The following CCSER1 variants were observed in gnomAD, a reference collection of about 807,000 sequenced individuals.
The protein encoded by CCSER1 is coiled-coil serine rich protein 1, also known as serine-rich coiled-coil domain-containing protein 1.
In CCSER1, 41 loss-of-function variants were observed where a neutral mutation model predicts 82.0. The observed-to-expected ratio is 0.50, with a 90% CI of 0.39 to 0.65. The LOEUF (loss-of-function observed/expected upper bound fraction) is 0.65. Among genes scored for constraint, CCSER1 ranks in the 30% least tolerant of loss-of-function variants. The pLI, the probability that CCSER1 is intolerant of heterozygous loss-of-function variation, is 0.00. For missense variants in CCSER1, 1,119 were observed against 1,064.2 expected (o/e 1.05, Z -0.72); for synonymous variants, 414 against 383.9 (o/e 1.08, Z -0.92).
intron 10 of CCSER1, among the ~76,000 whole-genome samples, chr4:91,394,021 G>A (rs1177822650): frequency 3.3e-5 from 5 of 152,160 alleles, no homozygotes; most frequent in East Asian, 1.9e-4. Context: ...ACTTATGATC[G>A]GTGATACTTG....
chr4:90,907,295 G>A (rs1394634139), intron 8 of CCSER1, among the ~76,000 whole-genome samples: 2 of 152,206 alleles, frequency 1.3e-5, no homozygotes, highest in East Asian at 1.9e-4. Flanking sequence ...ATTCCCTAAT[G>A]CAAATATGGG....
chr4:91,016,751 A>T lies in CCSER1; in HGVS notation c.2173-69199A>T, dbSNP rs773811499. Reference sequence around the variant, plus strand: ...TGTTCTTTATATGCAGATATAAATTACATGTCCCTAACTTCAGCCACTTCC... The same window carrying T: ...TGTTCTTTATATGCAGATATAAATTTCATGTCCCTAACTTCAGCCACTTCC... On this transcript the variant is annotated intron_variant, in intron 9 of 10. Coordinates refer to ENST00000509176, the MANE Select transcript of CCSER1 (RefSeq NM_001145065.2). Among the ~76,000 whole-genome samples the T allele has an allele frequency of 7.0e-4, 106 of 152,270 alleles. No individual in the cohort carries two copies. In the Middle Eastern group the frequency reaches 0.01, roughly 15 times the overall value.
chr4:91,460,565 G>A (rs573339893), intron 10 of CCSER1, among the ~76,000 whole-genome samples: 1 of 152,218 alleles, frequency 6.6e-6, no homozygotes, highest in African/African-American at 2.4e-5. Flanking sequence ...GGTGATGATG[G>A]TGATGATGAT....
chr4:91,302,418 T>C (rs1465328054), intron 10 of CCSER1, among the ~76,000 whole-genome samples: 1 of 152,032 alleles, frequency 6.6e-6, no homozygotes, highest in Non-Finnish European at 1.5e-5. Flanking sequence ...TTCTACTGCA[T>C]CTACTTTCAT....
chr4:90,602,669 C>T (rs1784164989), intron 5 of CCSER1, among the ~76,000 whole-genome samples: 1 of 152,120 alleles, frequency 6.6e-6, no homozygotes, highest in African/African-American at 2.4e-5. Flanking sequence ...CAGTTTATTA[C>T]CCATGACAAA....
At chr4:91,491,054 C>G (rs1451356127) in intron 10 of CCSER1, among the ~76,000 whole-genome samples, 1 of 149,838 alleles carries the variant, frequency 6.7e-6, no homozygotes, top group African/African-American at 2.5e-5. Flanking sequence ...CACGTGAACC[C>G]TCTGAAGCAA....
chr4:91,351,660 T>A (rs529660527), intron 10 of CCSER1, among the ~76,000 whole-genome samples: 3 of 152,228 alleles, frequency 2.0e-5, no homozygotes, highest in African/African-American at 7.2e-5. Flanking sequence ...ATTTTAGATA[T>A]GTTCTTATTT....
chr4:90,506,238 A>AT (rs542834662), intron 5 of CCSER1, among the ~76,000 whole-genome samples: 3 of 152,058 alleles, frequency 2.0e-5, no homozygotes, highest in South Asian at 2.1e-4. Flanking sequence ...GATTATTAAA[A>AT]TTTTTTTTCA....
At chr4:91,080,948 A>G (rs1216819005) in intron 9 of CCSER1, among the ~76,000 whole-genome samples, 1 of 152,230 alleles carries the variant, frequency 6.6e-6, no homozygotes, top group Non-Finnish European at 1.5e-5. Context: ...CCAGGACCAG[A>G]CGGATTCACA....
At chr4:90,850,420 C>G (rs1580771817) in intron 8 of CCSER1, among the ~76,000 whole-genome samples, 1 of 152,340 alleles carries the variant, frequency 6.6e-6, no homozygotes, top group South Asian at 2.1e-4. Flanking sequence ...AACACTCAAC[C>G]CCAGCTGTGA....
intron 9 of CCSER1, among the ~76,000 whole-genome samples, chr4:90,931,090 A>T (rs1215435077): frequency 6.7e-6 from 1 of 150,166 alleles, no homozygotes; most frequent in African/African-American, 2.4e-5. Context: ...CTTGAAATAG[A>T]TGTATCTCCT....
chr4:90,809,883 C>T (rs1561176060), intron 7 of CCSER1, among the ~76,000 whole-genome samples: 2 of 140,278 alleles, frequency 1.4e-5, no homozygotes, highest in Non-Finnish European at 1.5e-5. Flanking sequence ...CAGAGTGATA[C>T]CCTGTCTCTA....
intron 4 of CCSER1, among the ~76,000 whole-genome samples, chr4:90,442,102 A>G (rs1177158315): frequency 1.3e-5 from 2 of 152,204 alleles, no homozygotes; most frequent in Non-Finnish European, 2.9e-5. Context: ...TTTAGTAACA[A>G]GGCAGATTTC....
At chr4:90,507,392 A>T (rs752509520) in intron 5 of CCSER1, among the ~76,000 whole-genome samples, 1 of 151,884 alleles carries the variant, frequency 6.6e-6, no homozygotes, top group Admixed American at 6.6e-5. Flanking sequence ...TCTAAACATT[A>T]TTTGAAAAAA....
At chr4:91,302,415 G>C (rs141625051) in intron 10 of CCSER1, among the ~76,000 whole-genome samples, 6 of 151,962 alleles carry the variant, frequency 3.9e-5, no homozygotes, top group Middle Eastern at 3.4e-3. Flanking sequence ...TATTTCTACT[G>C]CATCTACTTT....
intron 5 of CCSER1, among the ~76,000 whole-genome samples, chr4:90,608,959 T>C (rs1371465904): frequency 6.6e-6 from 1 of 152,118 alleles, no homozygotes; most frequent in East Asian, 1.9e-4. Context: ...TGATTTTTTC[T>C]CTATGGGATT....
At chr4:91,461,135 A>G (rs1182989546) in intron 10 of CCSER1, among the ~76,000 whole-genome samples, 4 of 152,176 alleles carry the variant, frequency 2.6e-5, no homozygotes, top group African/African-American at 9.7e-5. Flanking sequence ...ATAGCCCAGG[A>G]TCTCAAGTTT....
chr4:91,347,444 G>A (rs1161941399), intron 10 of CCSER1, among the ~76,000 whole-genome samples: 3 of 151,502 alleles, frequency 2.0e-5, no homozygotes, highest in African/African-American at 7.3e-5. Context: ...AATATTATGA[G>A]TCTTTTGCTT....
At chr4:91,121,880 A>T (rs1434945497) in intron 10 of CCSER1, among the ~76,000 whole-genome samples, 1 of 151,664 alleles carries the variant, frequency 6.6e-6, no homozygotes, top group Non-Finnish European at 1.5e-5. Flanking sequence ...ATAGAAATAT[A>T]GATAAATATT....
Sources: allele counts gnomAD v4.1 joint callset (sites outside exome capture counted in the v4.1 genomes callset), GRCh38; gene constraint gnomAD v4.1.1; transcripts MANE v1.5; gene names NCBI Gene and HGNC (gene_info 2026-07-23, HGNC 2026-07-21).